Variants in MAP3K12 observed in about 807,000 individuals in gnomAD.
The protein encoded by MAP3K12 is MAPK-upstream kinase.
A neutral mutation model predicts 87.5 loss-of-function variants in MAP3K12; 14 were observed. The ratio of observed to expected loss-of-function variants is 0.16; its 90% CI spans 0.11 to 0.25. The LOEUF (loss-of-function observed/expected upper bound fraction) is 0.25, where lower values mean the gene tolerates loss of function less well. MAP3K12 is among the 10% of genes least tolerant of loss of function. MAP3K12 has a pLI of 1.00. For synonymous variants in MAP3K12, 469 were observed against 452.5 expected, an observed-to-expected ratio of 1.04 and a Z score of -0.46; for missense variants, 802 against 1,140.4, an observed-to-expected ratio of 0.70 and a Z score of 4.27.
chr12:53,486,445 G>T lies in MAP3K12; in HGVS notation c.623C>A (p.Thr208Asn). The change falls in exon 3 of 14, where the codon ACT becomes AAT. Residue 208 changes from threonine to asparagine, a missense_variant. Thr to Asn is a moderately conservative substitution (Grantham distance 65). This residue lies in a region of MAP3K12 where 57 missense variants were observed against 161.8 expected (regional missense o/e 0.35). Transcript: ENST00000547488. This position sits in a 1 kb window ranked among gnomAD's most constrained non-coding sequence, Gnocchi z 4.9. ...CCCCTGCCCTGGACCTCACTTGAAA[G>T]TGATGATGTTGGGGTGCTTCAGCTT... is the stretch of plus-strand genomic sequence containing the variant. ...LRKLKHPNII[T>N]FKGVCTQAPC... The T allele has an allele frequency of 6.2e-7, 1 of 1,614,146 alleles. No individual in the cohort carries two copies. The highest frequency in any genetic ancestry group is 8.5e-7 in the Non-Finnish European group (1 of 1,179,996).
Position 53,485,835 on chromosome 12 carries a change from C to T in MAP3K12, c.821+221G>A, listed in dbSNP as rs755950767. On this transcript the variant is annotated intron_variant, in intron 4 of 13. Coordinates refer to ENST00000547488, the MANE Select transcript of MAP3K12 (RefSeq NM_001193511.2). ...CCTCCCAAAGTGTTGGGATTACAGG[C>T]GTGAGCCACTGCATCCGGCCTGCCT... is the stretch of plus-strand genomic sequence containing the variant. The T allele has an allele frequency of 6.2e-5, 35 of 564,584 alleles. 1 individual carries two copies. Among genetic ancestry groups the T allele is most frequent in the Admixed American group, 1.0e-4 (3 of 28,966 alleles). The allele number at this position is 564,584 out of a possible 1,614,324, so 35.0% of individuals were successfully genotyped here.
intron 9 of MAP3K12, 25 bp downstream of exon 9, chr12:53,483,582 G>A (rs1943138910): frequency 1.2e-6 from 2 of 1,613,882 alleles, no homozygotes; most frequent in Non-Finnish European, 1.7e-6. Context: ...TCCAGGGCTT[G>A]GTGCATAAGG....
In MAP3K12 at chr12:53,486,399, C is replaced by G. The variant is rs768226461; in HGVS notation, c.629+40G>C. ...TGCCCAGGAGGGTACCAGGCCTTAG[C>G]ATAGTATCCCCAACACCCAGCCCCT... On this transcript the variant is annotated intron_variant, in intron 3 of 13. Transcript: ENST00000547488. This position sits in a 1 kb window ranked among gnomAD's most constrained non-coding sequence, Gnocchi z 4.9. 6.2e-7 allele frequency: 1 copy of G among 1,605,738 alleles called. No homozygotes were observed. The highest frequency in any genetic ancestry group is 8.5e-7 in the Non-Finnish European group (1 of 1,174,944).
At chr12:53,497,895 C>A (rs2137241712) in intron 1 of MAP3K12, among the ~76,000 whole-genome samples, 1 of 152,290 alleles carries the variant, frequency 6.6e-6, no homozygotes, top group East Asian at 1.9e-4. Context: ...ACCAAGAGTC[C>A]TCTTCCTAGA....
At chr12:53,501,481 T>C, upstream of MAP3K12, 1 of 1,559,694 alleles carries the variant, frequency 6.4e-7, no homozygotes, top group Non-Finnish European at 8.7e-7. Flanking sequence ...CTCGTACCGA[T>C]TCCTTCAGGG....
upstream of MAP3K12, chr12:53,500,966 G>A (rs969993341): frequency 5.6e-6 from 1 of 177,080 alleles, no homozygotes; most frequent in Non-Finnish European, 1.2e-5. Flanking sequence ...CTTGGGTTCT[G>A]TAGTTTTCTC....
intron 1 of MAP3K12, among the ~76,000 whole-genome samples, chr12:53,497,868 G>A (rs910339060): frequency 6.6e-6 from 1 of 152,126 alleles, no homozygotes; most frequent in Non-Finnish European, 1.5e-5. Flanking sequence ...ACGAGAGTCC[G>A]GGCTGTGAGT....
chr12:53,493,161 C>A, intron 1 of MAP3K12: 1 of 152,418 alleles, frequency 6.6e-6, no homozygotes, highest in East Asian at 1.9e-4. Flanking sequence ...GGGCCTGAGG[C>A]GGCGCGTGAA....
intron 4 of MAP3K12, 79 bp from the exon 5 acceptor site, chr12:53,485,554 G>T: frequency 6.7e-7 from 1 of 1,497,534 alleles, no homozygotes; most frequent in Non-Finnish European, 9.1e-7. Context: ...TGCCTTTCAG[G>T]TTTTTTTGTT....
chr12:53,481,217 C>T lies in MAP3K12; in HGVS notation c.2644G>A (p.Asp882Asn). 1 of 1,549,398 alleles carries T rather than the reference C, an allele frequency of 6.5e-7. No homozygotes were observed. The highest frequency in any genetic ancestry group is 1.7e-4 in the Middle Eastern group (1 of 5,832). Reference protein sequence around the residue: ...STELDNSNSVDALRPPASLPP With the variant: ...STELDNSNSVNALRPPASLPP Reference sequence around the variant, plus strand: ...AGGGAAGCTGGGGGCCGCAAGGCATCAACGCTGTTGGAGTTGTCCAATTCA... The same window carrying T: ...AGGGAAGCTGGGGGCCGCAAGGCATTAACGCTGTTGGAGTTGTCCAATTCA... The change falls in exon 14 of 14, where the codon GAT (aspartate) becomes AAT (asparagine). Residue 882 changes from aspartate to asparagine, a missense_variant. Transcript: ENST00000547488.
In MAP3K12 at chr12:53,486,764, GA is replaced by G; in HGVS notation, c.446-143del. 1 of 1,459,594 alleles carries G rather than the reference GA, an allele frequency of 6.9e-7. No individual in the cohort carries two copies. The highest frequency in any genetic ancestry group is 9.0e-7 in the Non-Finnish European group (1 of 1,111,600). The allele number at this position is 1,459,594 out of a possible 1,614,324, so 90.4% of individuals were successfully genotyped here. A position where few individuals can be genotyped will look rare whatever the true frequency, so the allele number is the denominator to read the frequency against. On this transcript the variant is annotated intron_variant, in intron 2 of 13. Transcript: ENST00000547488. The surrounding 1 kb of genome is among the most constrained non-coding windows in gnomAD (Gnocchi z 4.9). ...ATAGGCCAAGAAGAAGGTTCGAGGG[GA>G]CAGGGAAGGAATGAATGGGTGGCCT...
intron 1 of MAP3K12, among the ~76,000 whole-genome samples, chr12:53,497,177 G>A (rs931288118): frequency 4.6e-5 from 7 of 152,246 alleles, no homozygotes; most frequent in Non-Finnish European, 1.0e-4. Context: ...GTCTTGTTAC[G>A]GGCATGATTA....
At position 53,486,819 on chromosome 12, in the gene MAP3K12, T is replaced by C. The variant is rs1301480123; in HGVS notation, c.445+128A>G. 10 of 1,513,606 alleles carry C rather than the reference T, an allele frequency of 6.6e-6. No individual in the cohort carries two copies. Among genetic ancestry groups the C allele is most frequent in the Non-Finnish European group, 8.8e-6 (10 of 1,134,280 alleles). The allele number at this position is 1,513,606 out of a possible 1,614,324, so 93.8% of individuals were successfully genotyped here. ...AAGAAGCTGGGAAGTTAGAGGCTGA[T>C]GGATGGCTAAGGGACTAGGGCTGGG... On this transcript the variant is annotated intron_variant, in intron 2 of 13. Transcript: ENST00000547488. This position sits in a 1 kb window ranked among gnomAD's most constrained non-coding sequence, Gnocchi z 4.9.
intron 8 of MAP3K12, 38 bp downstream of exon 8, chr12:53,483,873 C>A: frequency 6.2e-7 from 1 of 1,611,616 alleles, no homozygotes; most frequent in Non-Finnish European, 8.5e-7. Flanking sequence ...ATAGTCCTTG[C>A]TGTTAGTAAA....
rs768942832 is a variant in MAP3K12, at chr12:53,482,296, T to C, written c.2309+3A>G. 4 of 1,614,144 alleles carry C rather than the reference T, an allele frequency of 2.5e-6. No homozygotes were observed. Among genetic ancestry groups the C allele is most frequent in the East Asian group, 2.2e-5 (1 of 44,880 alleles). ...CATTAATTCTTGTAATGCCATCACT[T>C]ACCTCTGGCTTGATGTCAGCTCTAC... On this transcript the variant is annotated splice_donor_region_variant and intron_variant, in intron 12 of 13. Coordinates refer to ENST00000547488, the MANE Select transcript of MAP3K12 (RefSeq NM_001193511.2).
Position 53,482,050 on chromosome 12 carries a change from A to G in MAP3K12, c.2471T>C (p.Met824Thr). ...DERPDERSDDMCSQGSEIPLD... is the reference protein window; with the variant it reads ...DERPDERSDDTCSQGSEIPLD... ...TGGGATTTCTGAGCCCTGGGAGCAC[A>G]TGTCATCAGACCGCTCATCTGGCCG... The change falls in exon 13 of 14, where the codon ATG becomes ACG. Residue 824 changes from methionine to threonine, a missense_variant. Around this residue, in one of 5 missense-constraint regions of MAP3K12, gnomAD observed 490 missense variants for 496.6 expected, o/e 0.99. Transcript: ENST00000547488. The G allele has an allele frequency of 6.2e-7, 1 of 1,614,186 alleles. No homozygotes were observed. The highest frequency in any genetic ancestry group is 8.5e-7 in the Non-Finnish European group (1 of 1,180,016).
chr12:53,481,189 G>C lies in MAP3K12; in HGVS notation c.2672C>G (p.Pro891Arg), dbSNP rs377738660. ...VDALRPPASL[P>R]P ...AAGGAATACGAGTGGCTTTCATGGA[G>C]GGAGGGAAGCTGGGGGCCGCAAGGC... Residue 891 changes from proline (P) to arginine (R), a missense_variant, in exon 14 of 14, where the codon CCT (proline) becomes CGT (arginine). By Grantham distance (103) the Pro-to-Arg change is moderately radical (BLOSUM62 -2). Coordinates refer to ENST00000547488, the MANE Select transcript of MAP3K12 (RefSeq NM_001193511.2). The C allele has an allele frequency of 6.6e-7, 1 of 1,512,000 alleles. No individual in the cohort carries two copies. Among genetic ancestry groups the C allele is most frequent in the Admixed American group, 2.0e-5 (1 of 49,772 alleles). 93.7% of individuals were successfully genotyped at this position (1,512,000 alleles called of 1,614,324 possible). A position where few individuals can be genotyped will look rare whatever the true frequency, so the allele number is the denominator to read the frequency against.
chr12:53,489,350 T>C (rs985771418), intron 1 of MAP3K12, among the ~76,000 whole-genome samples: 2 of 152,080 alleles, frequency 1.3e-5, no homozygotes, highest in Admixed American at 1.3e-4. Context: ...AAACCCTGAA[T>C]CCTGACTTGC....
At chr12:53,485,562 G>T (rs1413573479) in intron 4 of MAP3K12, 87 bp from the exon 5 acceptor site, 2 of 1,439,216 alleles carry the variant, frequency 1.4e-6, no homozygotes, top group Admixed American at 1.9e-5. Context: ...AGGTTTTTTT[G>T]TTTGTTTGTT....
Sources: allele counts gnomAD v4.1 joint callset (sites outside exome capture counted in the v4.1 genomes callset), GRCh38; gene constraint gnomAD v4.1.1; regional missense constraint gnomAD v4.1.1; non-coding constraint Gnocchi (gnomAD v3.1); transcripts MANE v1.5; gene names NCBI Gene and HGNC (gene_info 2026-07-23, HGNC 2026-07-21).